Variants in SLC24A2 observed in about 807,000 individuals in gnomAD.
SLC24A2 encodes solute carrier family 24 member 2.
A neutral mutation model predicts 62.0 loss-of-function variants in SLC24A2; 36 were observed. The observed-to-expected ratio is 0.58, with a 90% CI of 0.44 to 0.77. The LOEUF (loss-of-function observed/expected upper bound fraction) is 0.77, where lower values mean the gene tolerates loss of function less well. Among genes scored for constraint, SLC24A2 ranks in the 30% least tolerant of loss-of-function variants. The pLI is 0.00. For synonymous variants in SLC24A2, 358 were observed against 294.0 expected, an observed-to-expected ratio of 1.22 and a Z score of -2.23; for missense variants, 846 against 817.9, an observed-to-expected ratio of 1.03 and a Z score of -0.42.
intron 5 of SLC24A2, among the ~76,000 whole-genome samples, chr9:19,589,707 A>G (rs1306885043): frequency 6.6e-6 from 1 of 152,180 alleles, no homozygotes; most frequent in African/African-American, 2.4e-5. Context: ...CAAATAATAT[A>G]CAAGCCTTTT....
intron 2 of SLC24A2, among the ~76,000 whole-genome samples, chr9:19,768,876 C>G (rs1475125485): frequency 1.3e-5 from 2 of 152,168 alleles, no homozygotes; most frequent in Admixed American, 6.5e-5. Flanking sequence ...TTGCTGGTTT[C>G]TCCTTGTTTT....
At chr9:19,777,972 C>T (rs1587313082) in intron 2 of SLC24A2, among the ~76,000 whole-genome samples, 1 of 152,216 alleles carries the variant, frequency 6.6e-6, no homozygotes, top group East Asian at 1.9e-4. Flanking sequence ...AATTGCTCCT[C>T]AGATTTGAAT....
intron 2 of SLC24A2, among the ~76,000 whole-genome samples, chr9:19,733,414 A>G (rs1366400666): frequency 6.6e-6 from 1 of 152,198 alleles, no homozygotes; most frequent in Non-Finnish European, 1.5e-5. Context: ...TCAGTCATCC[A>G]GCCCATTGCC....
the SLC24A2 span, among the ~76,000 whole-genome samples, chr9:19,913,137 G>A: frequency 3.9e-5 from 6 of 152,006 alleles, no homozygotes; most frequent in East Asian, 1.9e-4. Context: ...TTCCCAGGTC[G>A]TCTCATCTAA....
rs573243668 is a variant in SLC24A2, at chr9:19,576,171, G to A, written c.1228+753C>T. Among the ~76,000 whole-genome samples, 15 of 152,282 alleles carry A rather than the reference G, an allele frequency of 9.9e-5. No homozygotes were observed. In the South Asian group the frequency reaches 3.1e-3, roughly 32 times the overall value. On this transcript the variant is annotated intron_variant, in intron 6 of 10. Coordinates refer to ENST00000341998, the MANE Select transcript of SLC24A2 (RefSeq NM_020344.4). ...TCAGTATTTTGAGAGCAATGCTGTT[G>A]AATTTTGTCTGCAGATAATTTTAGT...
At chr9:19,741,463 A>C (rs935140647) in intron 2 of SLC24A2, among the ~76,000 whole-genome samples, 1 of 152,114 alleles carries the variant, frequency 6.6e-6, no homozygotes, top group African/African-American at 2.4e-5. Context: ...ACACTCACAT[A>C]ACAGCCTCAA....
chr9:19,607,673 C>T (rs572451811), intron 4 of SLC24A2, among the ~76,000 whole-genome samples: 7 of 142,564 alleles, frequency 4.9e-5, no homozygotes, highest in Admixed American at 7.5e-5. Context: ...GAGCCAAGAT[C>T]GTGCCACTGC....
At chr9:19,651,735 G>C (rs1818807437) in intron 2 of SLC24A2, among the ~76,000 whole-genome samples, 1 of 152,166 alleles carries the variant, frequency 6.6e-6, no homozygotes, top group South Asian at 2.1e-4. Flanking sequence ...AGGAGGTTTA[G>C]GGTCAAGCTA....
intron 2 of SLC24A2, among the ~76,000 whole-genome samples, chr9:19,657,754 T>A (rs1246925411): frequency 6.6e-6 from 1 of 152,056 alleles, no homozygotes; most frequent in Admixed American, 6.6e-5. Context: ...TGAAACAGCG[T>A]CTTGTGGCGT....
chr9:20,272,822 A>C, the SLC24A2 span, among the ~76,000 whole-genome samples: 5 of 152,212 alleles, frequency 3.3e-5, no homozygotes, highest in South Asian at 2.1e-4. Flanking sequence ...TCAGAGGCCC[A>C]CTGAGAATGC....
the SLC24A2 span, among the ~76,000 whole-genome samples, chr9:20,072,569 T>A: frequency 6.6e-6 from 1 of 152,028 alleles, no homozygotes; most frequent in Non-Finnish European, 1.5e-5. Flanking sequence ...TAATATCACA[T>A]ATCAAAAGAG....
chr9:19,971,338 G>A, the SLC24A2 span, among the ~76,000 whole-genome samples: 2 of 152,146 alleles, frequency 1.3e-5, no homozygotes, highest in Admixed American at 6.5e-5. Context: ...CTGTTATACA[G>A]CATGATTATG....
chr9:20,247,246 A>G, the SLC24A2 span, among the ~76,000 whole-genome samples: 2 of 152,084 alleles, frequency 1.3e-5, no homozygotes, highest in Non-Finnish European at 2.9e-5. Flanking sequence ...CCAACAGATT[A>G]TTTTCTTTTC....
intron 2 of SLC24A2, among the ~76,000 whole-genome samples, chr9:19,651,039 T>C (rs1818787330): frequency 6.6e-6 from 1 of 152,142 alleles, no homozygotes; most frequent in African/African-American, 2.4e-5. Flanking sequence ...CTTATAAAAT[T>C]TGAAAACTGG....
intron 2 of SLC24A2, among the ~76,000 whole-genome samples, chr9:19,767,785 C>T (rs189808729): frequency 6.6e-4 from 100 of 152,304 alleles, no homozygotes; most frequent in African/African-American, 2.3e-3. Flanking sequence ...AAATCTCTTA[C>T]TTTTAAAAAG....
the SLC24A2 span, among the ~76,000 whole-genome samples, chr9:20,151,822 C>T: frequency 6.6e-6 from 1 of 151,536 alleles, no homozygotes; most frequent in Non-Finnish European, 1.5e-5. Flanking sequence ...TTAATCTTTC[C>T]CCTACTAGAT....
At chr9:20,232,229 T>C in the SLC24A2 span, among the ~76,000 whole-genome samples, 1 of 152,220 alleles carries the variant, frequency 6.6e-6, no homozygotes, top group South Asian at 2.1e-4. Flanking sequence ...GGCTTTGGTA[T>C]CAGGATGATG....
In SLC24A2 at chr9:19,567,644, T is replaced by A. The variant is rs1258389017; in HGVS notation, c.1347+5707A>T. Among the ~76,000 whole-genome samples the A allele has an allele frequency of 2.0e-5, 3 of 147,602 alleles. No individual in the cohort carries two copies. The East Asian group carries it at 5.9e-4, about 29-fold the overall frequency. On this transcript the variant is annotated intron_variant, in intron 7 of 10. Coordinates refer to ENST00000341998, the MANE Select transcript of SLC24A2 (RefSeq NM_020344.4). ...AACGTCATAATGTGATTAATTTATA[T>A]ACCATAAACCATACTAAGTAAATGC...
At chr9:19,822,728 T>A in the SLC24A2 span, among the ~76,000 whole-genome samples, 2 of 152,134 alleles carry the variant, frequency 1.3e-5, no homozygotes, top group African/African-American at 4.8e-5. Context: ...GTTTATGGGC[T>A]CAGAATTTAA....
Sources: gnomAD v4.1 joint callset for allele counts (sites outside exome capture counted in the v4.1 genomes callset) on GRCh38, gnomAD v4.1.1 for gene constraint, MANE v1.5 for transcripts, NCBI Gene and HGNC (gene_info 2026-07-23, HGNC 2026-07-21) for gene names.